ATR: variants seen among roughly 807,000 people sequenced by gnomAD.
ATR encodes the protein serine/threonine-protein kinase ATR.
ATR carries 142 observed loss-of-function variants against 305.3 expected under a neutral mutation model. The observed-to-expected ratio is 0.47, with a 90% CI of 0.41 to 0.53. The LOEUF (loss-of-function observed/expected upper bound fraction) is 0.53. Among genes scored for constraint, ATR ranks in the 20% least tolerant of loss-of-function variants. ATR has a pLI of 0.00. For missense variants in ATR, 2,135 were observed against 3,133.1 expected (o/e 0.68, Z 7.60); for synonymous variants, 1,050 against 1,068.1 (o/e 0.98, Z 0.33).
At chr3:142,454,213 T>G (rs1196945253) in intron 45 of ATR, among the ~76,000 whole-genome samples, 1 of 152,152 alleles carries the variant, frequency 6.6e-6, no homozygotes, top group African/African-American at 2.4e-5. Flanking sequence ...TTCACTTGCC[T>G]TGATATTTTT....
intron 41 of ATR, among the ~76,000 whole-genome samples, chr3:142,462,311 C>T (rs1038810305): frequency 1.9e-4 from 29 of 152,080 alleles, no homozygotes; most frequent in African/African-American, 7.0e-4. Flanking sequence ...TGGGTAGGTC[C>T]TTCTTTTTAA....
At chr3:142,468,248 A>G (rs2071177274) in intron 38 of ATR, among the ~76,000 whole-genome samples, 180 bp from the exon 39 acceptor site, 1 of 152,130 alleles carries the variant, frequency 6.6e-6, no homozygotes, top group South Asian at 2.1e-4. Context: ...CCACCCTATA[A>G]CTTTGTGAAT....
chr3:142,466,513 T>A lies in ATR; in HGVS notation c.6708A>T (p.Thr2236=). The A allele has an allele frequency of 6.2e-7, 1 of 1,613,754 alleles. No individual in the cohort carries two copies. The highest frequency in any genetic ancestry group is 8.5e-7 in the Non-Finnish European group (1 of 1,179,808). Residue 2236 remains threonine, a synonymous_variant, in exon 40 of 47, where the codon ACA becomes ACT. Coordinates refer to ENST00000350721, the MANE Select transcript of ATR (RefSeq NM_001184.4). Reference sequence around the variant, plus strand: ...TTTTAAAATGAGTGCTCATGCTTAATGTGGAACTACTTCCATCAACCTGAA... The same window carrying A: ...TTTTAAAATGAGTGCTCATGCTTAAAGTGGAACTACTTCCATCAACCTGAA... ...CNKPVDGSSS[T]LSMSTHFKML...
chr3:142,569,303 G>A (rs1263839368), intron 1 of ATR, among the ~76,000 whole-genome samples: 2 of 152,006 alleles, frequency 1.3e-5, no homozygotes, highest in Non-Finnish European at 2.9e-5. Context: ...TTATTTTCTG[G>A]GTGTTTTTTT....
intron 35 of ATR, among the ~76,000 whole-genome samples, chr3:142,486,914 G>T (rs939104477): frequency 2.3e-5 from 3 of 129,008 alleles, no homozygotes; most frequent in African/African-American, 9.0e-5. Flanking sequence ...AGGAGATTGA[G>T]ACCATCCTGG....
intron 21 of ATR, among the ~76,000 whole-genome samples, chr3:142,532,728 C>T (rs1159796228): frequency 2.6e-5 from 4 of 152,204 alleles, no homozygotes; most frequent in African/African-American, 2.4e-5. Context: ...TTTAGCCACT[C>T]CTACCACAAC....
chr3:142,505,336 A>G (rs772457186), intron 28 of ATR, 33 bp from the exon 29 acceptor site: 2 of 1,609,010 alleles, frequency 1.2e-6, no homozygotes, highest in Non-Finnish European at 1.7e-6. Flanking sequence ...AATCAAAAAC[A>G]AGAAAAAAAC....
Position 142,561,247 on chromosome 3 carries a change from C to T in ATR, c.1345G>A (p.Glu449Lys), listed in dbSNP as rs2034866958. The change falls in exon 5 of 47, where the codon GAG becomes AAG. Residue 449 changes from glutamate (E) to lysine (K), a missense_variant. Physicochemically the swap from Glu to Lys is moderately conservative, Grantham distance 56. Coordinates refer to ENST00000350721, the MANE Select transcript of ATR (RefSeq NM_001184.4). ...NPSKRAPKQT[E>K]EIKHVDMNQK... ...ACTGAATGAAGGTCATCATACTCCT[C>T]AGTCTGTTTTGGTGCTCTTTTAGAA... 2 of 1,613,592 alleles carry T rather than the reference C, an allele frequency of 1.2e-6. No homozygotes were observed. The highest frequency in any genetic ancestry group is 1.7e-6 in the Non-Finnish European group (2 of 1,179,558).
chr3:142,469,654 T>C (rs2071213331), intron 37 of ATR, 85 bp from the exon 38 acceptor site: 1 of 1,214,430 alleles, frequency 8.2e-7, no homozygotes, highest in Non-Finnish European at 1.2e-6. Flanking sequence ...AAAATTTTGC[T>C]TTAAAAATAG....
At chr3:142,546,238 C>A (rs1033515408) in intron 16 of ATR, among the ~76,000 whole-genome samples, 2 of 152,248 alleles carry the variant, frequency 1.3e-5, no homozygotes, top group African/African-American at 4.8e-5. Context: ...TGAGAGGACC[C>A]CCCTCATGGT....
chr3:142,536,171 T>C lies in ATR; in HGVS notation c.3756A>G (p.Ile1252Met). 1 of 1,590,902 alleles carries C rather than the reference T, an allele frequency of 6.3e-7. No individual in the cohort carries two copies. The highest frequency in any genetic ancestry group is 8.6e-7 in the Non-Finnish European group (1 of 1,159,274). ...ATTCTGGATGATCAGGTAAAAAATATATTTCATGAAGAAAATCTTGCACAG... is the reference window on the plus strand; with the variant it reads ...ATTCTGGATGATCAGGTAAAAAATACATTTCATGAAGAAAATCTTGCACAG... The part of the protein sequence containing the change: ...RDAVQDFLHE[I>M]YFLPDHPELK... Residue 1252 changes from isoleucine (I) to methionine (M), a missense_variant, in exon 20 of 47, where the codon ATA (isoleucine) becomes ATG (methionine). Physicochemically the swap from Ile to Met is conservative, Grantham distance 10 (BLOSUM62 1). Coordinates refer to ENST00000350721, the MANE Select transcript of ATR (RefSeq NM_001184.4).
At chr3:142,555,028 G>A (rs528830620) in intron 10 of ATR, among the ~76,000 whole-genome samples, 5 of 151,922 alleles carry the variant, frequency 3.3e-5, no homozygotes, top group Admixed American at 2.6e-4. Context: ...CTGAGGTCAG[G>A]AGTTGGAGAC....
At chr3:142,450,732 G>A in intron 46 of ATR, 1 of 1,554,028 alleles carries the variant, frequency 6.4e-7, no homozygotes, top group Non-Finnish European at 8.7e-7. Flanking sequence ...TACGGGGAAT[G>A]AAGGTGCTGG....
intron 27 of ATR, among the ~76,000 whole-genome samples, chr3:142,510,831 G>A (rs2108367207): frequency 6.6e-6 from 1 of 151,246 alleles, no homozygotes; most frequent in Middle Eastern, 3.4e-3. Context: ...TTCAAAGAAA[G>A]TAAGAATATC....
intron 42 of ATR, among the ~76,000 whole-genome samples, chr3:142,460,639 T>G (rs1250182382): frequency 6.6e-6 from 1 of 152,184 alleles, no homozygotes; most frequent in Non-Finnish European, 1.5e-5. Flanking sequence ...GATAAATTTC[T>G]ATTGTTTAAA....
chr3:142,515,552 T>C lies in ATR; in HGVS notation c.4383-37A>G, dbSNP rs768155493. The C allele has an allele frequency of 1.9e-6, 3 of 1,566,960 alleles. No individual in the cohort carries two copies. The East Asian group carries it at 6.8e-5, about 35-fold the overall frequency. On this transcript the variant is annotated intron_variant, in intron 24 of 46. Coordinates refer to ENST00000350721, the MANE Select transcript of ATR (RefSeq NM_001184.4). The stretch of plus-strand genomic sequence containing the variant: ...AAAATTTGTTTATTAAAAAGATAAA[T>C]CCACCTGTTTAGAATTTTAGTAAAT...
rs111661177 is a variant in ATR, at chr3:142,511,388, G to A, written c.4852+872C>T. Among the ~76,000 whole-genome samples, 1,322 of 152,226 alleles carry A rather than the reference G, an allele frequency of 8.7e-3. 23 individuals carry two copies. Among genetic ancestry groups the A allele is most frequent in the African/African-American group, 0.029 (1,214 of 41,556 alleles). On this transcript the variant is annotated intron_variant, in intron 27 of 46. Transcript: ENST00000350721. ...AACCCCATTTTGGCCAGGTGTGGTG[G>A]CTCACACCTGTAATCCCAGCACTTT...
intron 21 of ATR, among the ~76,000 whole-genome samples, chr3:142,534,400 G>C (rs896684271): frequency 6.6e-6 from 1 of 152,084 alleles, no homozygotes; most frequent in Non-Finnish European, 1.5e-5. Flanking sequence ...TTTGTCCTAA[G>C]TAAGTGCTTG....
At position 142,556,313 on chromosome 3, in the gene ATR, GCATA is replaced by G. The variant is rs1210453600; in HGVS notation, c.2078+66_2078+69del. The G allele has an allele frequency of 1.2e-5, 18 of 1,533,242 alleles. No homozygotes were observed. The Admixed American group carries it at 3.1e-4, about 26-fold the overall frequency. The allele number at this position is 1,533,242 out of a possible 1,614,324, so 95.0% of individuals were successfully genotyped here. On this transcript the variant is annotated intron_variant, in intron 9 of 46. Transcript: ENST00000350721. ...CATATTCAACAATAAACACAACCCT[GCATA>G]CATAGCCAGACAATTATGATCTTTC...
Sources: allele counts gnomAD v4.1 joint callset (sites outside exome capture counted in the v4.1 genomes callset), GRCh38; gene constraint gnomAD v4.1.1; transcripts MANE v1.5; gene names NCBI Gene and HGNC (gene_info 2026-07-23, HGNC 2026-07-21).